MYO1D: variants seen among roughly 807,000 people sequenced by gnomAD.
The protein encoded by MYO1D is myosin ID.
Under a neutral mutation model 122.0 loss-of-function variants are expected in MYO1D, and 83 were observed. The ratio of observed to expected loss-of-function variants is 0.68; its 90% CI spans 0.57 to 0.82. The LOEUF (loss-of-function observed/expected upper bound fraction) is 0.82, where lower values mean the gene tolerates loss of function less well. MYO1D is among the 40% of genes least tolerant of loss of function. MYO1D has a pLI of 0.00. For synonymous variants in MYO1D, 464 were observed against 446.9 expected, an observed-to-expected ratio of 1.04 and a Z score of -0.48; for missense variants, 1,157 against 1,269.5, an observed-to-expected ratio of 0.91 and a Z score of 1.35.
At chr17:32,863,610 A>T (rs2091096679) in intron 1 of MYO1D, among the ~76,000 whole-genome samples, 1 of 152,260 alleles carries the variant, frequency 6.6e-6, no homozygotes. Context: ...AACATTACAA[A>T]TATGACAGTA....
chr17:32,649,027 T>A (rs901236833), intron 19 of MYO1D, among the ~76,000 whole-genome samples: 1 of 152,242 alleles, frequency 6.6e-6, no homozygotes, highest in Non-Finnish European at 1.5e-5. Context: ...TATATCACTT[T>A]ATGGTATAAA....
At chr17:32,741,804 G>A (rs985819111) in intron 13 of MYO1D, among the ~76,000 whole-genome samples, 1 of 151,998 alleles carries the variant, frequency 6.6e-6, no homozygotes, top group African/African-American at 2.4e-5. Context: ...ACGAGGTCAG[G>A]AGATCGAGAC....
chr17:32,495,740 A>T (rs1909074602), intron 21 of MYO1D: 1 of 152,352 alleles, frequency 6.6e-6, no homozygotes, highest in South Asian at 2.1e-4. Context: ...TTGCTCACAC[A>T]GGCAGCACAA....
chr17:32,808,568 C>T (rs2090541393), intron 1 of MYO1D, among the ~76,000 whole-genome samples: 1 of 151,966 alleles, frequency 6.6e-6, no homozygotes, highest in Admixed American at 6.6e-5. Flanking sequence ...ATTTGTGTCC[C>T]ACCCCCTGCC....
intron 16 of MYO1D, among the ~76,000 whole-genome samples, chr17:32,683,927 A>G (rs1013042896): frequency 1.7e-4 from 26 of 152,008 alleles, no homozygotes; most frequent in African/African-American, 6.3e-4. Context: ...CCTCCGAGCC[A>G]GGTGTGGCAT....
intron 21 of MYO1D, chr17:32,497,896 T>A (rs147295394): frequency 2.6e-5 from 4 of 152,568 alleles, no homozygotes; most frequent in Non-Finnish European, 4.4e-5. Context: ...ACTTCTGCTG[T>A]GCCAGCCCCA....
chr17:32,717,166 T>C (rs1020727418), intron 15 of MYO1D, among the ~76,000 whole-genome samples: 1 of 152,236 alleles, frequency 6.6e-6, no homozygotes, highest in Non-Finnish European at 1.5e-5. Context: ...TGACTTCCTA[T>C]ATGTGAAATG....
chr17:32,841,282 C>T (rs1471420071), intron 1 of MYO1D, among the ~76,000 whole-genome samples: 1 of 151,978 alleles, frequency 6.6e-6, no homozygotes, highest in Non-Finnish European at 1.5e-5. Flanking sequence ...GCCTGGGTAA[C>T]ATGGCAAAAA....
intron 16 of MYO1D, among the ~76,000 whole-genome samples, chr17:32,672,717 C>A (rs1166204054): frequency 6.6e-6 from 1 of 152,134 alleles, no homozygotes; most frequent in African/African-American, 2.4e-5. Flanking sequence ...AACTCCTGAC[C>A]TCAGGTGATC....
At chr17:32,579,653 C>T (rs1335544533) in intron 21 of MYO1D, among the ~76,000 whole-genome samples, 1 of 152,192 alleles carries the variant, frequency 6.6e-6, no homozygotes, top group African/African-American at 2.4e-5. Context: ...GTAATTCCTA[C>T]TTCCTTCCCC....
At chr17:32,616,673 A>G (rs966731480) in intron 20 of MYO1D, among the ~76,000 whole-genome samples, 2 of 152,148 alleles carry the variant, frequency 1.3e-5, no homozygotes, top group African/African-American at 4.8e-5. Flanking sequence ...CAGCGGGTAG[A>G]AAGTGGAGGA....
At chr17:32,645,271 C>A (rs978266680) in intron 19 of MYO1D, among the ~76,000 whole-genome samples, 1 of 152,316 alleles carries the variant, frequency 6.6e-6, no homozygotes, top group East Asian at 1.9e-4. Flanking sequence ...AGAGTTTCTG[C>A]TGAGAGATCA....
At chr17:32,753,098 A>G (rs1221004930) in intron 11 of MYO1D, among the ~76,000 whole-genome samples, 4 of 152,240 alleles carry the variant, frequency 2.6e-5, no homozygotes, top group Non-Finnish European at 4.4e-5. Context: ...CAGCCATAAA[A>G]AAGAATGAAA....
chr17:32,572,188 T>C (rs552824561), intron 21 of MYO1D, among the ~76,000 whole-genome samples: 59 of 152,004 alleles, frequency 3.9e-4, no homozygotes, highest in Non-Finnish European at 7.2e-4. Context: ...TTTTCTAAGG[T>C]GCTGATGCCA....
intron 1 of MYO1D, among the ~76,000 whole-genome samples, chr17:32,827,090 A>G (rs1294015687): frequency 1.3e-5 from 2 of 151,790 alleles, no homozygotes; most frequent in Non-Finnish European, 1.5e-5. Flanking sequence ...TTGCACACTA[A>G]TGTTCATGGC....
intron 21 of MYO1D, among the ~76,000 whole-genome samples, chr17:32,513,813 G>A (rs911337906): frequency 6.6e-6 from 1 of 151,508 alleles, no homozygotes; most frequent in African/African-American, 2.4e-5. Context: ...CACCCCAAAC[G>A]CCTTAAGATT....
At chr17:32,862,372 T>C (rs963948573) in intron 1 of MYO1D, among the ~76,000 whole-genome samples, 4 of 152,228 alleles carry the variant, frequency 2.6e-5, no homozygotes, top group Non-Finnish European at 5.9e-5. Flanking sequence ...CAGAAAAGAA[T>C]AAAGACAACG....
At chr17:32,532,893 C>T (rs1910557507) in intron 21 of MYO1D, among the ~76,000 whole-genome samples, 1 of 152,130 alleles carries the variant, frequency 6.6e-6, no homozygotes, top group South Asian at 2.1e-4. Context: ...GACAGCAGGT[C>T]CTCTTCAAGA....
chr17:32,538,854 C>G (rs1373658607), intron 21 of MYO1D, among the ~76,000 whole-genome samples: 1 of 152,058 alleles, frequency 6.6e-6, no homozygotes. Context: ...GAACAGAAAA[C>G]CAAACACCGC....
Sources: allele counts gnomAD v4.1 joint callset (sites outside exome capture counted in the v4.1 genomes callset), GRCh38; gene constraint gnomAD v4.1.1; transcripts MANE v1.5; gene names NCBI Gene and HGNC (gene_info 2026-07-23, HGNC 2026-07-21).